MPPED1: variants seen among roughly 807,000 people sequenced by gnomAD.
The protein encoded by MPPED1 is metallophosphoesterase domain containing 1, also known as metallophosphoesterase domain-containing protein 1.
A neutral mutation model predicts 36.2 loss-of-function variants in MPPED1; 16 were observed. The ratio of observed to expected loss-of-function variants is 0.44; its 90% CI spans 0.30 to 0.67. The LOEUF is 0.67. Ranked by LOEUF, MPPED1 falls within the 30% of genes least tolerant of loss-of-function variation. The pLI is 0.10. For missense variants in MPPED1, 307 were observed against 453.4 expected, an observed-to-expected ratio of 0.68 and a Z score of 2.93; for synonymous variants, 199 against 191.3, an observed-to-expected ratio of 1.04 and a Z score of -0.33.
intron 1 of MPPED1, among the ~76,000 whole-genome samples, chr22:43,415,225 CAAA>C (rs34357060): frequency 8.1e-5 from 4 of 49,414 alleles, no homozygotes; most frequent in African/African-American, 1.6e-4. Flanking sequence ...ATGTCAAAAG[CAAA>C]AAAAAAAAAA....
intron 4 of MPPED1, among the ~76,000 whole-genome samples, chr22:43,488,769 C>A (rs1028738365): frequency 6.6e-6 from 1 of 152,230 alleles, no homozygotes; most frequent in Non-Finnish European, 1.5e-5. Context: ...TACTTTAGAA[C>A]AGAAAGACAG....
At chr22:43,420,519 C>T (rs1031044362) in intron 1 of MPPED1, among the ~76,000 whole-genome samples, 2 of 152,122 alleles carry the variant, frequency 1.3e-5, no homozygotes, top group African/African-American at 4.8e-5. Context: ...ATTCTTCTAC[C>T]TCACCCTCCC....
intron 3 of MPPED1, among the ~76,000 whole-genome samples, chr22:43,456,253 A>G (rs1018382742): frequency 6.6e-6 from 1 of 152,190 alleles, no homozygotes; most frequent in Non-Finnish European, 1.5e-5. Context: ...GTCCTTCACT[A>G]TTAAGTATGA....
intron 3 of MPPED1, among the ~76,000 whole-genome samples, chr22:43,436,588 C>G (rs762543395): frequency 6.6e-6 from 1 of 152,272 alleles, no homozygotes; most frequent in Admixed American, 6.5e-5. Flanking sequence ...AAGTCCTTCT[C>G]TGGGATTCTC....
chr22:43,452,205 A>G (rs1223758370), intron 3 of MPPED1, among the ~76,000 whole-genome samples: 1 of 151,782 alleles, frequency 6.6e-6, no homozygotes, highest in Non-Finnish European at 1.5e-5. Context: ...TTTAGTAGAG[A>G]TGGGGTTTCA....
intron 2 of MPPED1, among the ~76,000 whole-genome samples, chr22:43,433,835 G>A (rs1929855457): frequency 6.6e-6 from 1 of 152,162 alleles, no homozygotes; most frequent in Admixed American, 6.5e-5. Flanking sequence ...CTTTTGGTTT[G>A]CCGCATAATT....
At chr22:43,494,627 A>G (rs1273573352) in intron 4 of MPPED1, among the ~76,000 whole-genome samples, 1 of 147,954 alleles carries the variant, frequency 6.8e-6, no homozygotes, top group East Asian at 2.0e-4. Context: ...CTCTTTATAA[A>G]TAAGGTCATA....
intron 4 of MPPED1, among the ~76,000 whole-genome samples, chr22:43,495,240 T>TGGTGGTGATGGA (rs1442207826): frequency 7.0e-6 from 1 of 143,854 alleles, no homozygotes; most frequent in Non-Finnish European, 1.5e-5. Context: ...GTGGAGGTGG[T>TGGTGGTGATGGA]GGTGGTGATG....
At chr22:43,463,318 C>T (rs1165501332) in intron 3 of MPPED1, among the ~76,000 whole-genome samples, 1 of 145,758 alleles carries the variant, frequency 6.9e-6, no homozygotes, top group African/African-American at 2.6e-5. Flanking sequence ...AGATGTTGGG[C>T]TTATGATTTT....
At chr22:43,500,615 G>A (rs1024442176) in intron 5 of MPPED1, among the ~76,000 whole-genome samples, 2 of 151,886 alleles carry the variant, frequency 1.3e-5, no homozygotes, top group East Asian at 3.9e-4. Flanking sequence ...CCAGCAGTTC[G>A]GCCCATATCA....
chr22:43,427,374 G>C (rs1016504384), intron 2 of MPPED1, among the ~76,000 whole-genome samples: 6 of 152,276 alleles, frequency 3.9e-5, no homozygotes, highest in African/African-American at 7.2e-5. Context: ...AGTTGGGAGA[G>C]GGTGTGAGGA....
chr22:43,430,214 A>G (rs1929625253), intron 2 of MPPED1, among the ~76,000 whole-genome samples: 1 of 152,212 alleles, frequency 6.6e-6, no homozygotes, highest in African/African-American at 2.4e-5. Flanking sequence ...GAATAGGGTT[A>G]CGAGGGGTAA....
intron 2 of MPPED1, among the ~76,000 whole-genome samples, chr22:43,434,279 G>C (rs1929871603): frequency 6.6e-6 from 1 of 152,246 alleles, no homozygotes; most frequent in South Asian, 2.1e-4. Flanking sequence ...CACAGCCCTG[G>C]AAGGCCCTTG....
Position 43,438,736 on chromosome 22 carries a change from A to G in MPPED1, c.406+3521A>G, listed in dbSNP as rs143746298. Among the ~76,000 whole-genome samples the G allele has an allele frequency of 2.6e-5, 4 of 152,058 alleles. No homozygotes were observed. In the East Asian group the frequency reaches 7.7e-4, roughly 29 times the overall value. On this transcript the variant is annotated intron_variant, in intron 3 of 6. Transcript: ENST00000443721. ...TTTCTGGTAATTTCAAACAAAGGCA[A>G]CGCTCCTGGGTGTCTGGTGCCAAGT... is the stretch of plus-strand genomic sequence containing the variant.
chr22:43,467,129 A>G (rs1207636717), intron 3 of MPPED1, among the ~76,000 whole-genome samples: 1 of 152,214 alleles, frequency 6.6e-6, no homozygotes, highest in African/African-American at 2.4e-5. Flanking sequence ...AGCTCAGGGA[A>G]GTGAGGGTTC....
chr22:43,449,797 T>TG (rs769394424), intron 3 of MPPED1, among the ~76,000 whole-genome samples: 10 of 152,088 alleles, frequency 6.6e-5, no homozygotes, highest in Non-Finnish European at 1.5e-4. Flanking sequence ...ATTTGGAAAA[T>TG]GGGGAAGTAA....
intron 4 of MPPED1, among the ~76,000 whole-genome samples, chr22:43,484,379 G>C (rs748735239): frequency 2.6e-5 from 4 of 152,236 alleles, no homozygotes; most frequent in Non-Finnish European, 5.9e-5. Context: ...GCAGCCCCGG[G>C]TCTGGCTCAG....
At chr22:43,477,894 G>T (rs1486314078) in intron 4 of MPPED1, among the ~76,000 whole-genome samples, 1 of 152,242 alleles carries the variant, frequency 6.6e-6, no homozygotes, top group African/African-American at 2.4e-5. Flanking sequence ...TGCCTTGTTG[G>T]GGGGTTGTGA....
chr22:43,464,291 CTGTG>C (rs60119589), intron 3 of MPPED1, among the ~76,000 whole-genome samples: 7,382 of 143,790 alleles, frequency 0.051, 210 homozygotes, highest in Middle Eastern at 0.097. Flanking sequence ...TTGGTCAGCT[CTGTG>C]TGTGTGTGTG....
Sources: allele counts gnomAD v4.1 joint callset (sites outside exome capture counted in the v4.1 genomes callset), GRCh38; gene constraint gnomAD v4.1.1; transcripts MANE v1.5; gene names NCBI Gene and HGNC (gene_info 2026-07-23, HGNC 2026-07-21).